The following PARVA variants were observed in gnomAD, a reference collection of about 807,000 sequenced individuals.
The protein encoded by PARVA is parvin alpha.
A neutral mutation model predicts 52.6 loss-of-function variants in PARVA; 25 were observed. That is an observed-to-expected ratio of 0.48 (90% CI 0.35 to 0.66). PARVA has a LOEUF of 0.66. Ranked by LOEUF, PARVA falls within the 30% of genes least tolerant of loss-of-function variation. The pLI is 0.01. For missense variants in PARVA, 373 were observed against 450.9 expected (o/e 0.83, Z 1.56); for synonymous variants, 185 against 179.1 (o/e 1.03, Z -0.26).
rs534438879 is a variant in PARVA at position 12,397,442 on chromosome 11, C to G, written c.136+19659C>G. Reference sequence around the variant, plus strand: ...CAAACAACATTCTATGCCAGTTTGTCTGCACAATAAATTCTTAGAGGTGGA... The same window carrying G: ...CAAACAACATTCTATGCCAGTTTGTGTGCACAATAAATTCTTAGAGGTGGA... On this transcript the variant is annotated intron_variant, in intron 1 of 12. Transcript: ENST00000334956. Among the ~76,000 whole-genome samples the G allele has an allele frequency of 3.9e-5, 6 of 152,282 alleles. No homozygotes were observed. In the South Asian group the frequency reaches 1.2e-3, roughly 32 times the overall value.
intron 4 of PARVA, chr11:12,480,624 T>A (rs1171676280): frequency 6.6e-6 from 1 of 152,068 alleles, no homozygotes; most frequent in African/African-American, 2.4e-5. Flanking sequence ...ACGTTAGGCA[T>A]TGCGTACAAG....
chr11:12,478,013 T>A (rs773505028), intron 4 of PARVA, 64 bp downstream of exon 4: 1 of 872,744 alleles, frequency 1.1e-6, no homozygotes, highest in Non-Finnish European at 2.0e-6. Context: ...CACCTACTTG[T>A]AGCTAGAAGG....
chr11:12,426,711 A>T (rs1239230605), intron 1 of PARVA, among the ~76,000 whole-genome samples: 4 of 152,186 alleles, frequency 2.6e-5, no homozygotes. Context: ...GGGCCAGGGT[A>T]TCACCAGGTT....
chr11:12,399,603 CTG>C, intron 1 of PARVA, among the ~76,000 whole-genome samples: 1 of 152,346 alleles, frequency 6.6e-6, no homozygotes, highest in East Asian at 1.9e-4. Flanking sequence ...AGATCACACT[CTG>C]TGTAGCACTG....
At chr11:12,438,226 C>T (rs1024734950) in intron 1 of PARVA, among the ~76,000 whole-genome samples, 2 of 151,184 alleles carry the variant, frequency 1.3e-5, no homozygotes, top group African/African-American at 2.4e-5. Flanking sequence ...CGCCACTACA[C>T]CCCAGCCTGG....
intron 1 of PARVA, among the ~76,000 whole-genome samples, chr11:12,472,977 G>T (rs1344383304): frequency 6.6e-6 from 1 of 152,108 alleles, no homozygotes; most frequent in Non-Finnish European, 1.5e-5. Context: ...GGTAATCTTT[G>T]GTAGTTTTTA....
intron 1 of PARVA, among the ~76,000 whole-genome samples, chr11:12,390,946 G>A (rs942966798): frequency 4.6e-5 from 7 of 152,070 alleles, no homozygotes; most frequent in Non-Finnish European, 1.5e-5. Context: ...CCCATGTAAG[G>A]AGTAGCAGCT....
At chr11:12,522,441 T>TTTTTA (rs1941649276) in intron 12 of PARVA, among the ~76,000 whole-genome samples, 1 of 149,528 alleles carries the variant, frequency 6.7e-6, no homozygotes, top group African/African-American at 2.5e-5. Context: ...TTTTTTTTCT[T>TTTTTA]GAGACGGAGT....
chr11:12,483,284 CA>C, intron 4 of PARVA, among the ~76,000 whole-genome samples: 1 of 152,280 alleles, frequency 6.6e-6, no homozygotes, highest in East Asian at 1.9e-4. Flanking sequence ...TAGGTTTTCC[CA>C]AAAGCAGACG....
At chr11:12,471,625 T>C (rs1275893030) in intron 1 of PARVA, among the ~76,000 whole-genome samples, 2 of 152,212 alleles carry the variant, frequency 1.3e-5, no homozygotes, top group African/African-American at 4.8e-5. Context: ...ATATGGCATG[T>C]CCTCACTTAA....
intron 1 of PARVA, among the ~76,000 whole-genome samples, chr11:12,395,091 C>CAAAAAAAAA: frequency 1.8e-5 from 1 of 54,908 alleles, no homozygotes; most frequent in Non-Finnish European, 3.6e-5. Flanking sequence ...AACTCCATCT[C>CAAAAAAAAA]AAAAAAAAAA....
chr11:12,444,499 C>A (rs1371836496), intron 1 of PARVA, among the ~76,000 whole-genome samples: 3 of 151,912 alleles, frequency 2.0e-5, no homozygotes, highest in Non-Finnish European at 1.5e-5. Flanking sequence ...GGCTGGAGTG[C>A]AGTGACAAGA....
intron 1 of PARVA, among the ~76,000 whole-genome samples, chr11:12,452,338 C>T (rs1010817426): frequency 1.3e-5 from 2 of 152,186 alleles, no homozygotes; most frequent in African/African-American, 4.8e-5. Flanking sequence ...TGTAAATGCC[C>T]TCCTCTCCTG....
At chr11:12,512,614 G>A (rs775841198) in intron 8 of PARVA, among the ~76,000 whole-genome samples, 7 of 152,156 alleles carry the variant, frequency 4.6e-5, no homozygotes, top group Non-Finnish European at 8.8e-5. Flanking sequence ...ATTTACTGTG[G>A]GTAATATTTT....
At chr11:12,504,187 A>G (rs1308733759) in intron 5 of PARVA, 127 bp from the exon 6 acceptor site, 2 of 635,126 alleles carry the variant, frequency 3.1e-6, no homozygotes, top group East Asian at 2.8e-5. Flanking sequence ...ACATTTCAGC[A>G]TGAGATTTGG....
At chr11:12,443,234 C>T (rs1380648166) in intron 1 of PARVA, among the ~76,000 whole-genome samples, 1 of 133,624 alleles carries the variant, frequency 7.5e-6, no homozygotes, top group East Asian at 2.5e-4. Context: ...TGCAGTGGTG[C>T]AATCTCAGCT....
chr11:12,386,507 T>C (rs1310376358), intron 1 of PARVA, among the ~76,000 whole-genome samples: 1 of 152,214 alleles, frequency 6.6e-6, no homozygotes, highest in Non-Finnish European at 1.5e-5. Flanking sequence ...GTGCCTTGTC[T>C]ATACTCTGTG....
intron 1 of PARVA, among the ~76,000 whole-genome samples, chr11:12,408,977 A>G (rs1370688730): frequency 6.6e-6 from 1 of 152,186 alleles, no homozygotes; most frequent in East Asian, 1.9e-4. Flanking sequence ...CAAGGAACCA[A>G]AAGGAGGCCC....
intron 1 of PARVA, among the ~76,000 whole-genome samples, chr11:12,461,218 T>C (rs1333241441): frequency 2.6e-5 from 4 of 152,178 alleles, no homozygotes; most frequent in Non-Finnish European, 4.4e-5. Flanking sequence ...TACATGCTTA[T>C]GAATCTGTGA....
Sources: allele counts gnomAD v4.1 joint callset (sites outside exome capture counted in the v4.1 genomes callset), GRCh38; gene constraint gnomAD v4.1.1; transcripts MANE v1.5; gene names NCBI Gene and HGNC (gene_info 2026-07-23, HGNC 2026-07-21).